LEPROTL1: variants seen among roughly 807,000 people sequenced by gnomAD.
LEPROTL1 encodes the protein leptin receptor overlapping transcript like 1.
In LEPROTL1, 6 loss-of-function variants were observed where a neutral mutation model predicts 15.4. The observed-to-expected ratio is 0.39, with a 90% CI of 0.21 to 0.77. The LOEUF (loss-of-function observed/expected upper bound fraction) is 0.77. Ranked by LOEUF, LEPROTL1 falls within the 30% of genes least tolerant of loss-of-function variation. LEPROTL1 has a pLI of 0.41. For synonymous variants in LEPROTL1, 56 were observed against 52.6 expected, an observed-to-expected ratio of 1.06 and a Z score of -0.28; for missense variants, 128 against 158.1, an observed-to-expected ratio of 0.81 and a Z score of 1.02.
At chr8:30,136,822 G>A (rs1191640566) in intron 4 of LEPROTL1, among the ~76,000 whole-genome samples, 1 of 151,664 alleles carries the variant, frequency 6.6e-6, no homozygotes, top group East Asian at 1.9e-4. Context: ...CGAGTAGCTG[G>A]GATTCCAGGC....
rs765509050 is a variant in LEPROTL1, at chr8:30,105,900, T to C, written c.*38T>C. The C allele has an allele frequency of 6.9e-7, 1 of 1,457,056 alleles. No homozygotes were observed. 90.3% of individuals were successfully genotyped at this position (1,457,056 alleles called of 1,614,324 possible). ...GAACTATTGTCAAATGGACTTCCTG[T>C]CATTTGTTGGCCATTCACGCACACA... On this transcript the variant is annotated 3_prime_UTR_variant, in exon 4 of 4. Coordinates refer to ENST00000321250, the MANE Select transcript of LEPROTL1 (RefSeq NM_015344.3).
chr8:30,123,426 T>C (rs1802860219), intron 3 of LEPROTL1, among the ~76,000 whole-genome samples: 1 of 152,234 alleles, frequency 6.6e-6, no homozygotes, highest in Admixed American at 6.5e-5. Flanking sequence ...CACAACAATA[T>C]TGAGTATTTC....
chr8:30,127,987 G>C (rs749650947), intron 3 of LEPROTL1, among the ~76,000 whole-genome samples: 3 of 152,054 alleles, frequency 2.0e-5, no homozygotes, highest in Non-Finnish European at 4.4e-5. Context: ...GGTAATGAAG[G>C]ATAGGGAAAC....
At chr8:30,095,669 G>T in intron 1 of LEPROTL1, 141 bp downstream of exon 1, 1 of 745,278 alleles carries the variant, frequency 1.3e-6, no homozygotes. Flanking sequence ...CCCCCGCCCC[G>T]GCCCTGCGCT....
intron 2 of LEPROTL1, among the ~76,000 whole-genome samples, chr8:30,102,340 AAAG>A (rs1363537768): frequency 6.6e-6 from 1 of 151,572 alleles, no homozygotes; most frequent in East Asian, 1.9e-4. Context: ...AATTAAAAAA[AAAG>A]AGAGAGATGT....
chr8:30,097,685 ATAT>A lies in LEPROTL1; in HGVS notation c.16+2158_16+2160del, dbSNP rs1343797913. ...AGACTCTGTCTCAAAAAAAAAAAAAATATATATATATATACACACACACACACA... is the reference window on the plus strand; with the variant it reads ...AGACTCTGTCTCAAAAAAAAAAAAAAATATATATATACACACACACACACA... On this transcript the variant is annotated intron_variant, in intron 1 of 3. Transcript: ENST00000321250. 1.2e-4 allele frequency among the ~76,000 whole-genome samples: 14 copies of A among 113,666 alleles called. 1 individual carries two copies. The highest frequency in any genetic ancestry group is 1.1e-3 in the East Asian group (4 of 3,604). 74.6% of individuals were successfully genotyped at this position (113,666 alleles called of 152,430 possible). A position where few individuals can be genotyped will look rare whatever the true frequency, so the allele number is the denominator to read the frequency against.
At chr8:30,104,928 A>G (rs1268466290) in intron 3 of LEPROTL1, 3 of 152,816 alleles carry the variant, frequency 2.0e-5, no homozygotes, top group African/African-American at 2.4e-5. Flanking sequence ...GTTAGCCAGA[A>G]TGGTCTCGAC....
intron 3 of LEPROTL1, chr8:30,117,350 C>T (rs1802757575): frequency 1.1e-6 from 1 of 923,778 alleles, no homozygotes; most frequent in Admixed American, 2.0e-5. Context: ...GTCTGTGAGG[C>T]ATTTTGTTTG....
In LEPROTL1 at chr8:30,107,382, T is replaced by C; in HGVS notation, c.*1520T>C. On this transcript the variant is annotated 3_prime_UTR_variant, in exon 4 of 4. Transcript: ENST00000321250. ...GTATTTTGTTAAGGATATTTGTTTG[T>C]ATGTTTATTCAGTATACTTACATAA... 1.0e-6 allele frequency: 1 copy of C among 985,640 alleles called. No homozygotes were observed. Among genetic ancestry groups the C allele is most frequent in the Non-Finnish European group, 1.2e-6 (1 of 829,678 alleles). 61.1% of individuals were successfully genotyped at this position (985,640 alleles called of 1,614,324 possible).
chr8:30,130,590 C>T (rs1373990539), intron 3 of LEPROTL1, among the ~76,000 whole-genome samples: 4 of 152,098 alleles, frequency 2.6e-5, no homozygotes, highest in African/African-American at 9.7e-5. Flanking sequence ...CAAACCCACC[C>T]TCAAAGTCAT....
In LEPROTL1 at chr8:30,106,302, A is replaced by T; in HGVS notation, c.*440A>T. On this transcript the variant is annotated 3_prime_UTR_variant, in exon 4 of 4. Transcript: ENST00000321250. ...AGCCTCCATTATTACAAAAAATTAT[A>T]AAAATAAGTTTTCAGTCAGTCAGGA... 1.0e-6 allele frequency: 1 copy of T among 986,156 alleles called. No homozygotes were observed. The highest frequency in any genetic ancestry group is 1.2e-6 in the Non-Finnish European group (1 of 829,930). The allele number at this position is 986,156 out of a possible 1,614,324, so 61.1% of individuals were successfully genotyped here.
intron 1 of LEPROTL1, among the ~76,000 whole-genome samples, chr8:30,099,953 A>G (rs1437184276): frequency 6.6e-6 from 1 of 152,252 alleles, no homozygotes; most frequent in Non-Finnish European, 1.5e-5. Flanking sequence ...GGGCCCGGTC[A>G]TGAGAACCAA....
In LEPROTL1 at chr8:30,107,728, T is replaced by C; in HGVS notation, c.*1866T>C. 2.0e-6 allele frequency: 2 copies of C among 978,416 alleles called. No homozygotes were observed. The highest frequency in any genetic ancestry group is 2.4e-6 in the Non-Finnish European group (2 of 827,966). The allele number at this position is 978,416 out of a possible 1,614,324, so 60.6% of individuals were successfully genotyped here. On this transcript the variant is annotated 3_prime_UTR_variant, in exon 4 of 4. Transcript: ENST00000321250. ...GAGAGCTGGTGAGACAGTTGGGAAC[T>C]CTTTGTGCTTGTGATCTACTGGACT...
At chr8:30,115,539 A>ACTT (rs1325947131) in intron 3 of LEPROTL1, among the ~76,000 whole-genome samples, 1 of 74,356 alleles carries the variant, frequency 1.3e-5, no homozygotes, top group African/African-American at 5.6e-5. Context: ...TGCCTGGCTA[A>ACTT]TTTTTTTTTT....
At chr8:30,114,627 T>C (rs899266141) in intron 3 of LEPROTL1, among the ~76,000 whole-genome samples, 1 of 152,156 alleles carries the variant, frequency 6.6e-6, no homozygotes. Context: ...GAACCCTGCA[T>C]GGCCCATTGT....
chr8:30,101,403 C>A (rs565930892), intron 1 of LEPROTL1, among the ~76,000 whole-genome samples: 1 of 152,160 alleles, frequency 6.6e-6, no homozygotes, highest in Non-Finnish European at 1.5e-5. Context: ...TGTGGTGGCT[C>A]ACGCCTGTAA....
intron 3 of LEPROTL1, among the ~76,000 whole-genome samples, chr8:30,113,749 A>C (rs1802690398): frequency 2.0e-5 from 3 of 152,182 alleles, no homozygotes; most frequent in Admixed American, 2.0e-4. Context: ...CTGGGAAAAC[A>C]CTGTGCCTCT....
At chr8:30,135,617 A>G (rs1803123295) in intron 4 of LEPROTL1, among the ~76,000 whole-genome samples, 1 of 152,112 alleles carries the variant, frequency 6.6e-6, no homozygotes, top group Non-Finnish European at 1.5e-5. Context: ...AGAACAATGA[A>G]TGAAAATTAG....
chr8:30,107,986 A>G lies in LEPROTL1; in HGVS notation c.*2124A>G. 1.0e-6 allele frequency: 1 copy of G among 974,556 alleles called. No individual in the cohort carries two copies. The highest frequency in any genetic ancestry group is 1.2e-6 in the Non-Finnish European group (1 of 820,042). 60.4% of individuals were successfully genotyped at this position (974,556 alleles called of 1,614,324 possible). A position where few individuals can be genotyped will look rare whatever the true frequency, so the allele number is the denominator to read the frequency against. Reference sequence around the variant, plus strand: ...TACTTGAGATATGAATTTTCCATAGAATATGCACTGATACAATATTACCAT... The same window carrying G: ...TACTTGAGATATGAATTTTCCATAGGATATGCACTGATACAATATTACCAT... On this transcript the variant is annotated 3_prime_UTR_variant, in exon 4 of 4. Coordinates refer to ENST00000321250, the MANE Select transcript of LEPROTL1 (RefSeq NM_015344.3).
Sources: gnomAD v4.1 joint callset for allele counts (sites outside exome capture counted in the v4.1 genomes callset) on GRCh38, gnomAD v4.1.1 for gene constraint, MANE v1.5 for transcripts, NCBI Gene and HGNC (gene_info 2026-07-23, HGNC 2026-07-21) for gene names.